The following DLGAP2 variants were observed in gnomAD, a reference collection of about 807,000 sequenced individuals.
DLGAP2 encodes the protein disks large-associated protein 2.
A neutral mutation model predicts 100.3 loss-of-function variants in DLGAP2; 26 were observed. The observed-to-expected ratio is 0.26, with a 90% CI of 0.19 to 0.36. The LOEUF (loss-of-function observed/expected upper bound fraction) is 0.36, where lower values mean the gene tolerates loss of function less well. DLGAP2 is among the 10% of genes least tolerant of loss of function. The probability of loss-of-function intolerance (pLI) is 1.00; values close to 1 mark genes in which losing one functional copy is unlikely to be tolerated. For missense variants in DLGAP2, 1,858 were observed against 1,453.2 expected (o/e 1.28, Z -4.53); for synonymous variants, 886 against 630.1 (o/e 1.41, Z -6.08).
chr8:785,445 G>C (rs1331988344), intron 1 of DLGAP2, among the ~76,000 whole-genome samples: 1 of 149,058 alleles, frequency 6.7e-6, no homozygotes, highest in Admixed American at 6.7e-5. Flanking sequence ...CCTCCCCTCA[G>C]GTCTCTCTGA....
intron 3 of DLGAP2, among the ~76,000 whole-genome samples, chr8:1,489,445 C>T (rs973521307): frequency 1.3e-5 from 2 of 152,160 alleles, no homozygotes; most frequent in Non-Finnish European, 2.9e-5. Flanking sequence ...GGCTGACCCA[C>T]GTTAGAGGAA....
At chr8:1,221,210 T>A (rs111997490) in intron 2 of DLGAP2, among the ~76,000 whole-genome samples, 1 of 152,216 alleles carries the variant, frequency 6.6e-6, no homozygotes, top group African/African-American at 2.4e-5. Context: ...TATGTACTTA[T>A]GTGTGTTTTT....
At chr8:1,373,459 G>A (rs1345390285) in intron 3 of DLGAP2, among the ~76,000 whole-genome samples, 1 of 152,290 alleles carries the variant, frequency 6.6e-6, no homozygotes, top group Non-Finnish European at 1.5e-5. Context: ...CGTGTCGGCC[G>A]AGACCCGAAT....
chr8:1,135,585 G>A (rs777225119), intron 2 of DLGAP2, among the ~76,000 whole-genome samples: 6 of 141,662 alleles, frequency 4.2e-5, no homozygotes, highest in Non-Finnish European at 7.6e-5. Flanking sequence ...TTCAGGAGAC[G>A]GAGCGTGGCA....
At chr8:1,619,224 C>A (rs1305902546) in intron 6 of DLGAP2, among the ~76,000 whole-genome samples, 1 of 152,130 alleles carries the variant, frequency 6.6e-6, no homozygotes, top group African/African-American at 2.4e-5. Flanking sequence ...ACACAAATGT[C>A]CAATAAGAAT....
chr8:1,154,171 C>T (rs1033890368), intron 2 of DLGAP2, among the ~76,000 whole-genome samples: 1 of 152,034 alleles, frequency 6.6e-6, no homozygotes, highest in Non-Finnish European at 1.5e-5. Context: ...TCGAATGCCT[C>T]GAGGTAATGT....
chr8:1,435,792 G>A (rs1229238184), intron 3 of DLGAP2, among the ~76,000 whole-genome samples: 2 of 152,000 alleles, frequency 1.3e-5, no homozygotes, highest in Non-Finnish European at 2.9e-5. Flanking sequence ...AGTGAAGCTG[G>A]AAGATGGTGA....
At chr8:1,436,311 G>C (rs770414411) in intron 3 of DLGAP2, among the ~76,000 whole-genome samples, 11 of 152,220 alleles carry the variant, frequency 7.2e-5, no homozygotes, top group Admixed American at 6.5e-4. Context: ...GAAGAACTTG[G>C]AGTCTGATGT....
At chr8:1,436,983 T>G (rs866573873) in intron 3 of DLGAP2, among the ~76,000 whole-genome samples, 8 of 152,238 alleles carry the variant, frequency 5.3e-5, no homozygotes, top group African/African-American at 4.8e-5. Flanking sequence ...AGGAGGCCTA[T>G]GCCGTTCGGC....
At chr8:1,140,257 T>C (rs1413989300) in intron 2 of DLGAP2, among the ~76,000 whole-genome samples, 3 of 152,118 alleles carry the variant, frequency 2.0e-5, no homozygotes. Context: ...GGATGAAGTG[T>C]TGCCGGGTGG....
At chr8:1,195,663 T>C (rs1267716489) in intron 2 of DLGAP2, among the ~76,000 whole-genome samples, 2 of 152,076 alleles carry the variant, frequency 1.3e-5, no homozygotes, top group African/African-American at 2.4e-5. Context: ...AGGATTCTCT[T>C]CTTTTTTGTT....
rs66773546 is a variant in DLGAP2, at chr8:1,350,516, T to C, written c.106+91633T>C. Among the ~76,000 whole-genome samples, 71 of 72,316 alleles carry C rather than the reference T, an allele frequency of 9.8e-4. 1 individual carries two copies. The highest frequency in any genetic ancestry group is 3.7e-3 in the African/African-American group (62 of 16,956). 47.4% of individuals were successfully genotyped at this position (72,316 alleles called of 152,430 possible). A position where few individuals can be genotyped will look rare whatever the true frequency, so the allele number is the denominator to read the frequency against. On this transcript the variant is annotated intron_variant, in intron 3 of 14. Transcript: ENST00000637795. ...GTCCTGACTGTGCGTGGAAAGGCCG[T>C]GCGGGTCCTGACAGTGCGTGGAAAG...
chr8:1,586,126 A>C (rs755187354), intron 6 of DLGAP2, among the ~76,000 whole-genome samples: 1 of 152,262 alleles, frequency 6.6e-6, no homozygotes, highest in Non-Finnish European at 1.5e-5. Context: ...TCATGAGCCA[A>C]CACGGGTTTC....
chr8:1,358,787 G>A (rs988396022), intron 3 of DLGAP2, among the ~76,000 whole-genome samples: 2 of 152,114 alleles, frequency 1.3e-5, no homozygotes, highest in African/African-American at 4.8e-5. Context: ...GGGCTGGGCG[G>A]CCTGGAACCG....
chr8:1,666,554 G>A (rs112098504), intron 8 of DLGAP2, among the ~76,000 whole-genome samples: 6,646 of 151,944 alleles, frequency 0.044, 198 homozygotes, highest in Non-Finnish European at 0.065. Context: ...GGTGGCAAGC[G>A]CTGTAATCCC....
At chr8:1,286,816 G>C (rs752476440) in intron 3 of DLGAP2, among the ~76,000 whole-genome samples, 10 of 152,238 alleles carry the variant, frequency 6.6e-5, no homozygotes, top group Non-Finnish European at 1.2e-4. Context: ...CCTGTGGAAG[G>C]ATTAGAGTTG....
At chr8:1,509,103 C>T (rs1198721795) in intron 4 of DLGAP2, among the ~76,000 whole-genome samples, 2 of 152,006 alleles carry the variant, frequency 1.3e-5, no homozygotes, top group African/African-American at 4.8e-5. Flanking sequence ...GAGGCCGAGG[C>T]GGGCGGATCA....
chr8:1,032,052 T>C (rs1801989812), intron 2 of DLGAP2, among the ~76,000 whole-genome samples: 1 of 152,228 alleles, frequency 6.6e-6, no homozygotes. Context: ...TCCATCCGGC[T>C]TATGATTCAA....
intron 3 of DLGAP2, among the ~76,000 whole-genome samples, chr8:1,260,548 G>A (rs1469800597): frequency 6.6e-6 from 1 of 151,996 alleles, no homozygotes; most frequent in African/African-American, 2.4e-5. Context: ...GCGAGGGTTT[G>A]GACTGAATGA....
Sources: allele counts gnomAD v4.1 joint callset (sites outside exome capture counted in the v4.1 genomes callset), GRCh38; gene constraint gnomAD v4.1.1; transcripts MANE v1.5; gene names NCBI Gene and HGNC (gene_info 2026-07-23, HGNC 2026-07-21).